Variants in ZC3H6 observed in about 807,000 individuals in gnomAD.
ZC3H6 encodes zinc finger CCCH domain-containing protein 6.
ZC3H6 carries 40 observed loss-of-function variants against 107.7 expected under a neutral mutation model. The ratio of observed to expected loss-of-function variants is 0.37; its 90% CI spans 0.29 to 0.48. The LOEUF (loss-of-function observed/expected upper bound fraction) is 0.48. Ranked by LOEUF, ZC3H6 falls within the 20% of genes least tolerant of loss-of-function variation. The pLI, the probability that ZC3H6 is intolerant of heterozygous loss-of-function variation, is 0.98. For synonymous variants in ZC3H6, 493 were observed against 487.9 expected, an observed-to-expected ratio of 1.01 and a Z score of -0.14; for missense variants, 1,267 against 1,410.4, an observed-to-expected ratio of 0.90 and a Z score of 1.63.
rs939430400 is a variant in ZC3H6 at position 112,275,766 on chromosome 2, G to A, written c.-229G>A. The A allele has an allele frequency of 1.1e-5, 5 of 443,156 alleles. No individual in the cohort carries two copies. Among genetic ancestry groups the A allele is most frequent in the South Asian group, 4.7e-5 (1 of 21,340 alleles). 27.5% of individuals were successfully genotyped at this position (443,156 alleles called of 1,614,324 possible). On this transcript the variant is annotated 5_prime_UTR_variant, in exon 1 of 12. Coordinates refer to ENST00000409871, the MANE Select transcript of ZC3H6 (RefSeq NM_198581.3). ...GCGGCAGCGCCGGCAGCGCGGGGCC[G>A]TTGCCCAGTGTTTGCAGTTAGAGCC... is the stretch of plus-strand genomic sequence containing the variant.
chr2:112,316,663 T>A (rs1676701732), intron 6 of ZC3H6, 77 bp downstream of exon 6: 1 of 926,148 alleles, frequency 1.1e-6, no homozygotes, highest in Non-Finnish European at 1.6e-6. Context: ...GGGGGATGGT[T>A]AATTTTTTTC....
At chr2:112,279,191 T>C (rs866762796) in intron 1 of ZC3H6, among the ~76,000 whole-genome samples, 1 of 152,222 alleles carries the variant, frequency 6.6e-6, no homozygotes, top group Non-Finnish European at 1.5e-5. Flanking sequence ...TTCTGGTCTC[T>C]CGTCGTTCAG....
At chr2:112,321,518 C>A (rs184273352) in intron 7 of ZC3H6, among the ~76,000 whole-genome samples, 1 of 151,670 alleles carries the variant, frequency 6.6e-6, no homozygotes, top group Non-Finnish European at 1.5e-5. Context: ...AATAATACAG[C>A]CTTATTGATT....
intron 1 of ZC3H6, among the ~76,000 whole-genome samples, chr2:112,279,025 G>A (rs370525389): frequency 1.3e-5 from 2 of 152,162 alleles, no homozygotes; most frequent in African/African-American, 4.8e-5. Context: ...TTCACACCTG[G>A]AGTTAAAACA....
intron 1 of ZC3H6, among the ~76,000 whole-genome samples, chr2:112,296,052 A>G (rs1676225639): frequency 6.6e-6 from 1 of 152,164 alleles, no homozygotes; most frequent in Non-Finnish European, 1.5e-5. Context: ...ATTGTGGTAT[A>G]AATGTAGATA....
In ZC3H6 at chr2:112,336,211, GA is replaced by G. The variant is rs1677134080; in HGVS notation, c.*3725del. 6.6e-6 allele frequency: 1 copy of G among 152,200 alleles called. No individual in the cohort carries two copies. The allele number at this position is 152,200 out of a possible 1,614,324, so 9.4% of individuals were successfully genotyped here. ...ATATGAGATCTTAAAGAGGCTGTCA[GA>G]ATCTCTTCATTTGCATGACATAGAA... is the stretch of plus-strand genomic sequence containing the variant. On this transcript the variant is annotated 3_prime_UTR_variant, in exon 12 of 12. Coordinates refer to ENST00000409871, the MANE Select transcript of ZC3H6 (RefSeq NM_198581.3).
chr2:112,281,019 A>T (rs1558944262), intron 1 of ZC3H6, among the ~76,000 whole-genome samples: 1 of 152,200 alleles, frequency 6.6e-6, no homozygotes, highest in African/African-American at 2.4e-5. Flanking sequence ...CATGAAGCTT[A>T]ATATGTATTG....
chr2:112,292,590 C>A (rs1337259701), intron 1 of ZC3H6, among the ~76,000 whole-genome samples: 1 of 152,148 alleles, frequency 6.6e-6, no homozygotes, highest in Non-Finnish European at 1.5e-5. Flanking sequence ...TTTTGATTAG[C>A]CAAATTGTCT....
At chr2:112,283,013 T>A (rs1459120251) in intron 1 of ZC3H6, among the ~76,000 whole-genome samples, 1 of 152,218 alleles carries the variant, frequency 6.6e-6, no homozygotes, top group Non-Finnish European at 1.5e-5. Flanking sequence ...GTAGATATAT[T>A]TTTTCTCATT....
intron 1 of ZC3H6, among the ~76,000 whole-genome samples, chr2:112,290,510 G>A (rs1223427598): frequency 6.6e-6 from 1 of 152,226 alleles, no homozygotes; most frequent in Admixed American, 6.5e-5. Flanking sequence ...GTTTATTTGT[G>A]TGATTCTTTG....
chr2:112,287,218 T>C (rs1196452013), intron 1 of ZC3H6, among the ~76,000 whole-genome samples: 5 of 152,170 alleles, frequency 3.3e-5, no homozygotes, highest in Non-Finnish European at 5.9e-5. Context: ...GTGGAATTTC[T>C]AGTTCCCCAG....
At chr2:112,298,496 A>G (rs546294393) in intron 1 of ZC3H6, among the ~76,000 whole-genome samples, 4 of 152,394 alleles carry the variant, frequency 2.6e-5, no homozygotes, top group Admixed American at 2.6e-4. Flanking sequence ...TGTGCAAAGC[A>G]TCATGGCGAT....
rs1277665750 is a variant in ZC3H6, at chr2:112,331,184, G to A, written c.2266G>A (p.Val756Ile). Residue 756 changes from valine (V) to isoleucine (I), a missense_variant, in exon 12 of 12, where the codon GTT becomes ATT. Val to Ile is a conservative substitution (Grantham distance 29). Transcript: ENST00000409871. ...AKEKSKGNQV[V>I]DPRLRTIPRQ... The stretch of plus-strand genomic sequence containing the variant: ...AGAGAAAAGTAAAGGAAACCAAGTG[G>A]TTGACCCTAGGCTTAGGACTATCCC... 3 of 1,613,534 alleles carry A rather than the reference G, an allele frequency of 1.9e-6. No individual in the cohort carries two copies. The highest frequency in any genetic ancestry group is 1.7e-6 in the Non-Finnish European group (2 of 1,179,784).
At chr2:112,288,026 C>T (rs1036458015) in intron 1 of ZC3H6, among the ~76,000 whole-genome samples, 5 of 152,222 alleles carry the variant, frequency 3.3e-5, no homozygotes, top group African/African-American at 9.7e-5. Flanking sequence ...TCTGTTGTCA[C>T]CATAATCCCT....
At chr2:112,319,297 G>A (rs1202660886) in intron 7 of ZC3H6, among the ~76,000 whole-genome samples, 11 of 151,970 alleles carry the variant, frequency 7.2e-5, no homozygotes, top group Non-Finnish European at 1.6e-4. Context: ...GCCAGGAGTT[G>A]GAGACCAGCC....
chr2:112,311,878 C>A lies in ZC3H6; in HGVS notation c.688C>A (p.Arg230Ser), dbSNP rs368864302. 9 of 1,613,204 alleles carry A rather than the reference C, an allele frequency of 5.6e-6. No homozygotes were observed. The South Asian group carries it at 9.9e-5, about 18-fold the overall frequency. The part of the protein sequence containing the change: ...GLPKKIKRKE[R>S]GGRTNKGPNV... ...GCCGAAGAAAATCAAACGAAAAGAA[C>A]GTGGGGGAAGAACCAATAAAGGGCC... Residue 230 changes from arginine (R) to serine (S), a missense_variant, in exon 5 of 12, where the codon CGT (arginine) becomes AGT (serine). By Grantham distance (110) the Arg-to-Ser change is moderately radical. Coordinates refer to ENST00000409871, the MANE Select transcript of ZC3H6 (RefSeq NM_198581.3).
In ZC3H6 at chr2:112,324,172, G is replaced by C. The variant is rs1355882874; in HGVS notation, c.1361G>C (p.Ser454Thr). ...TACAGGCCACCAGCATTTTATACCA[G>C]TGCCTCACCACCAGGACCACAATTT... The part of the protein sequence containing the change: ...IGRKPPAFYT[S>T]ASPPGPQFQG... The change falls in exon 10 of 12, where the codon AGT becomes ACT. Residue 454 changes from serine to threonine, a missense_variant. Ser to Thr is a moderately conservative substitution (Grantham distance 58, BLOSUM62 1). This residue lies in a region of ZC3H6 where 925 missense variants were observed against 1,025.7 expected (regional missense o/e 0.90). Coordinates refer to ENST00000409871, the MANE Select transcript of ZC3H6 (RefSeq NM_198581.3). 6.3e-7 allele frequency: 1 copy of C among 1,584,500 alleles called. No individual in the cohort carries two copies. The highest frequency in any genetic ancestry group is 8.6e-7 in the Non-Finnish European group (1 of 1,158,054).
At chr2:112,290,787 T>C (rs1369086690) in intron 1 of ZC3H6, among the ~76,000 whole-genome samples, 1 of 152,282 alleles carries the variant, frequency 6.6e-6, no homozygotes, top group Admixed American at 6.5e-5. Context: ...TGCACAGTAG[T>C]ACTTTGTTCC....
At chr2:112,299,153 T>G (rs1286622368) in intron 1 of ZC3H6, among the ~76,000 whole-genome samples, 1 of 151,730 alleles carries the variant, frequency 6.6e-6, no homozygotes, top group African/African-American at 2.4e-5. Flanking sequence ...GGCAGGCGCC[T>G]GTAGTCCCAG....
Sources: allele counts gnomAD v4.1 joint callset (sites outside exome capture counted in the v4.1 genomes callset), GRCh38; gene constraint gnomAD v4.1.1; regional missense constraint gnomAD v4.1.1; transcripts MANE v1.5; gene names NCBI Gene and HGNC (gene_info 2026-07-23, HGNC 2026-07-21).